CAST: variants seen among roughly 807,000 people sequenced by gnomAD.
CAST encodes the protein MIR583 host.
Under a neutral mutation model 119.6 loss-of-function variants are expected in CAST, and 76 were observed. That is an observed-to-expected ratio of 0.64 (90% confidence interval 0.53 to 0.77). The LOEUF is 0.77. CAST is among the 30% of genes least tolerant of loss of function. CAST has a pLI of 0.00. For synonymous variants in CAST, 319 were observed against 331.6 expected (o/e 0.96, Z 0.41); for missense variants, 953 against 946.5 (o/e 1.01, Z -0.09).
At chr5:96,354,578 T>C in the CAST span, among the ~76,000 whole-genome samples, 2 of 151,826 alleles carry the variant, frequency 1.3e-5, no homozygotes, top group African/African-American at 4.8e-5. Context: ...TGTCTCAGGA[T>C]TGATGAAATA....
the CAST span, among the ~76,000 whole-genome samples, chr5:96,385,265 A>G: frequency 1.1e-4 from 17 of 152,198 alleles, no homozygotes; most frequent in African/African-American, 3.9e-4. Flanking sequence ...GACAAGGACA[A>G]CTTCTCTCAC....
chr5:96,078,852 G>T, the CAST span, among the ~76,000 whole-genome samples: 1 of 152,026 alleles, frequency 6.6e-6, no homozygotes, highest in East Asian at 1.9e-4. Flanking sequence ...ACCAAGTATT[G>T]CATGTTCTCA....
chr5:96,758,396 C>T (rs1482166932), intron 24 of CAST, among the ~76,000 whole-genome samples: 1 of 152,168 alleles, frequency 6.6e-6, no homozygotes, highest in Admixed American at 6.5e-5. Flanking sequence ...GTAGGATTTT[C>T]ATGGCTTTTT....
chr5:96,759,124 A>T (rs116204484), intron 24 of CAST, among the ~76,000 whole-genome samples: 5 of 152,206 alleles, frequency 3.3e-5, no homozygotes, highest in African/African-American at 1.2e-4. Flanking sequence ...GAAAATTAGC[A>T]AAGGAAACAT....
the CAST span, among the ~76,000 whole-genome samples, chr5:96,487,147 T>TG: frequency 2.0e-5 from 3 of 151,708 alleles, no homozygotes; most frequent in South Asian, 6.2e-4. Flanking sequence ...CTGTAATATG[T>TG]GGGGCAGTTC....
At chr5:96,114,532 T>A in the CAST span, among the ~76,000 whole-genome samples, 1 of 152,130 alleles carries the variant, frequency 6.6e-6, no homozygotes, top group African/African-American at 2.4e-5. Flanking sequence ...AGGTTCTGAT[T>A]CTATAGACTT....
At chr5:96,250,041 C>T in the CAST span, among the ~76,000 whole-genome samples, 3 of 152,190 alleles carry the variant, frequency 2.0e-5, no homozygotes, top group Non-Finnish European at 4.4e-5. Flanking sequence ...TAGTGGCTTA[C>T]ATATCTGAAT....
At chr5:96,305,717 GT>G in the CAST span, among the ~76,000 whole-genome samples, 5 of 152,202 alleles carry the variant, frequency 3.3e-5, no homozygotes, top group East Asian at 7.7e-4. Context: ...TAATCCTGTG[GT>G]TTTTGTCATT....
chr5:96,656,948 A>AG (rs1748168124), intron 1 of CAST, among the ~76,000 whole-genome samples: 1 of 152,176 alleles, frequency 6.6e-6, no homozygotes, highest in Admixed American at 6.5e-5. Flanking sequence ...CTTAATTAAA[A>AG]AAAAACACTG....
chr5:96,568,588 A>AAT (rs1746515678), intron 1 of CAST, among the ~76,000 whole-genome samples: 1 of 142,854 alleles, frequency 7.0e-6, no homozygotes. Flanking sequence ...AAAAAAAAAA[A>AAT]GAAGATAAGG....
the CAST span, among the ~76,000 whole-genome samples, chr5:95,991,997 T>C: frequency 3.9e-5 from 6 of 152,178 alleles, no homozygotes; most frequent in Admixed American, 6.6e-5. Flanking sequence ...TTTGAGGCAA[T>C]GTTGGGCTCT....
At chr5:96,118,922 C>T in the CAST span, among the ~76,000 whole-genome samples, 1 of 151,952 alleles carries the variant, frequency 6.6e-6, no homozygotes, top group Non-Finnish European at 1.5e-5. Flanking sequence ...GCAGTCTCAC[C>T]CTAACTAGTT....
the CAST span, among the ~76,000 whole-genome samples, chr5:96,028,446 T>A: frequency 6.6e-6 from 1 of 152,016 alleles, no homozygotes; most frequent in Non-Finnish European, 1.5e-5. Flanking sequence ...AGCTTAATGA[T>A]GTATTTCATG....
chr5:96,653,432 G>A (rs957463543), intron 1 of CAST, among the ~76,000 whole-genome samples: 3 of 152,236 alleles, frequency 2.0e-5, no homozygotes, highest in African/African-American at 7.2e-5. Context: ...ACAATTTGGA[G>A]AGGAAGTGTA....
the CAST span, among the ~76,000 whole-genome samples, chr5:96,235,530 G>A: frequency 6.6e-6 from 1 of 152,210 alleles, no homozygotes; most frequent in African/African-American, 2.4e-5. Context: ...AATTATTTAG[G>A]AGCTGTCCTA....
chr5:96,678,490 T>C (rs955095698), intron 2 of CAST, among the ~76,000 whole-genome samples: 3 of 152,106 alleles, frequency 2.0e-5, no homozygotes, highest in Non-Finnish European at 4.4e-5. Flanking sequence ...TGGGAGGGTA[T>C]AACCAGAAGA....
chr5:96,584,466 T>C (rs1293455618), intron 1 of CAST: 1 of 152,212 alleles, frequency 6.6e-6, no homozygotes, highest in East Asian at 1.9e-4. Flanking sequence ...ATATATGACA[T>C]TGGGCAGCAC....
At chr5:96,303,026 A>G in the CAST span, among the ~76,000 whole-genome samples, 15 of 152,178 alleles carry the variant, frequency 9.9e-5, no homozygotes, top group Non-Finnish European at 1.6e-4. Flanking sequence ...ACTACCTGAG[A>G]CTGTGTGATG....
chr5:96,631,784 G>A (rs924801706), intron 1 of CAST, among the ~76,000 whole-genome samples: 1 of 151,954 alleles, frequency 6.6e-6, no homozygotes, highest in South Asian at 2.1e-4. Context: ...CACCCGCCTC[G>A]GCCTCCCAAA....
Sources: allele counts gnomAD v4.1 joint callset (sites outside exome capture counted in the v4.1 genomes callset), GRCh38; gene constraint gnomAD v4.1.1; transcripts MANE v1.5; gene names NCBI Gene and HGNC (gene_info 2026-07-23, HGNC 2026-07-21).